Variants in OSBPL10 observed in about 807,000 individuals in gnomAD.
OSBPL10 encodes oxysterol-binding protein-related protein 10.
A neutral mutation model predicts 81.7 loss-of-function variants in OSBPL10; 49 were observed. The ratio of observed to expected loss-of-function variants is 0.60; its 90% confidence interval spans 0.48 to 0.76. OSBPL10 has a LOEUF of 0.76. Ranked by LOEUF, OSBPL10 falls within the 30% of genes least tolerant of loss-of-function variation. The pLI is 0.00. For missense variants in OSBPL10, 923 were observed against 987.8 expected (o/e 0.93, Z 0.88); for synonymous variants, 419 against 383.6 (o/e 1.09, Z -1.08).
At chr3:31,683,044 C>A (rs959987406) in intron 8 of OSBPL10, among the ~76,000 whole-genome samples, 12 of 152,154 alleles carry the variant, frequency 7.9e-5, no homozygotes, top group African/African-American at 2.9e-4. Flanking sequence ...AACACAGATG[C>A]TTGAATTTAA....
chr3:31,965,336 C>G (rs574933007), intron 1 of OSBPL10, among the ~76,000 whole-genome samples: 1 of 137,778 alleles, frequency 7.3e-6, no homozygotes, highest in Non-Finnish European at 1.5e-5. Context: ...CACTACTGCA[C>G]TCCAGCCTGG....
chr3:31,989,912 G>A, intron 2 of OSBPL10: 2 of 1,614,174 alleles, frequency 1.2e-6, no homozygotes, highest in South Asian at 2.2e-5. Flanking sequence ...TGCCATCATA[G>A]ATGTCACACT....
At chr3:31,683,019 A>C (rs1700692549) in intron 8 of OSBPL10, among the ~76,000 whole-genome samples, 2 of 152,236 alleles carry the variant, frequency 1.3e-5, no homozygotes, top group Admixed American at 1.3e-4. Context: ...CTCAAAAAAA[A>C]GTTGAAGAAC....
At chr3:31,798,438 A>T (rs1699295434) in intron 4 of OSBPL10, among the ~76,000 whole-genome samples, 1 of 151,858 alleles carries the variant, frequency 6.6e-6, no homozygotes, top group African/African-American at 2.4e-5. Flanking sequence ...CTCAAAAAAA[A>T]AAGAAAACCA....
chr3:31,989,585 T>C (rs1484978572), intron 2 of OSBPL10: 2 of 1,614,184 alleles, frequency 1.2e-6, no homozygotes, highest in Admixed American at 3.3e-5. Context: ...CTCCACATAT[T>C]TCAGACCAAA....
intron 4 of OSBPL10, among the ~76,000 whole-genome samples, chr3:31,804,029 T>C (rs933297420): frequency 6.6e-6 from 1 of 152,228 alleles, no homozygotes; most frequent in Non-Finnish European, 1.5e-5. Context: ...TATTCACATA[T>C]CCTGTTTTTC....
intron 1 of OSBPL10, among the ~76,000 whole-genome samples, chr3:31,948,924 C>G (rs892450925): frequency 2.6e-5 from 4 of 151,998 alleles, no homozygotes; most frequent in African/African-American, 9.7e-5. Flanking sequence ...TCCAGAGTAG[C>G]GAAATTAACT....
chr3:31,812,778 GAAAGAAAGAAAGAAAGAA>G (rs1699729594), intron 4 of OSBPL10, among the ~76,000 whole-genome samples: 1 of 38,652 alleles, frequency 2.6e-5, no homozygotes, highest in Admixed American at 3.9e-4. Flanking sequence ...AAGAAAGAAA[GAAAGAAAGAAAGAAAGAA>G]AGAAAGAAAG....
intron 1 of OSBPL10, among the ~76,000 whole-genome samples, chr3:32,065,993 AAGAAAGAAAGAAAG>A (rs1396379102): frequency 7.7e-5 from 5 of 65,006 alleles, no homozygotes; most frequent in Admixed American, 4.3e-4. Context: ...GAAAGAAAGA[AAGAAAGAAAGAAAG>A]AGAAAGAAAG....
intron 1 of OSBPL10, among the ~76,000 whole-genome samples, chr3:31,935,312 T>G (rs1314048848): frequency 2.0e-5 from 3 of 152,230 alleles, no homozygotes; most frequent in South Asian, 4.1e-4. Context: ...AAATACATAT[T>G]TGATGTTAAG....
intron 3 of OSBPL10, among the ~76,000 whole-genome samples, chr3:31,847,090 C>T (rs147898394): frequency 1.4e-3 from 215 of 152,258 alleles, no homozygotes; most frequent in Middle Eastern, 6.8e-3. Flanking sequence ...CAAGGATCCC[C>T]CAACCCAATG....
chr3:31,688,430 C>A (rs1343493988), intron 7 of OSBPL10, among the ~76,000 whole-genome samples: 1 of 152,002 alleles, frequency 6.6e-6, no homozygotes, highest in Non-Finnish European at 1.5e-5. Context: ...GCTTTCAAGG[C>A]TAAAGCAACA....
At chr3:31,994,609 G>A (rs1041856856) in intron 2 of OSBPL10, among the ~76,000 whole-genome samples, 8 of 152,162 alleles carry the variant, frequency 5.3e-5, no homozygotes, top group Non-Finnish European at 1.2e-4. Flanking sequence ...TAGGTGTGCA[G>A]ATGTCTTTTC....
chr3:31,742,162 T>A (rs1697372069), intron 5 of OSBPL10, among the ~76,000 whole-genome samples: 1 of 152,168 alleles, frequency 6.6e-6, no homozygotes, highest in African/African-American at 2.4e-5. Flanking sequence ...AAAGAAAGTA[T>A]AACAGACAAA....
intron 3 of OSBPL10, among the ~76,000 whole-genome samples, chr3:31,837,100 G>C (rs1019673443): frequency 2.0e-5 from 3 of 152,030 alleles, no homozygotes; most frequent in Admixed American, 2.0e-4. Flanking sequence ...CTTCAGCTGG[G>C]CCTTCACAAT....
At chr3:31,908,830 A>C (rs1403740628) in intron 1 of OSBPL10, among the ~76,000 whole-genome samples, 1 of 152,162 alleles carries the variant, frequency 6.6e-6, no homozygotes, top group Admixed American at 6.5e-5. Flanking sequence ...AATGAGATGG[A>C]AAGAGGAGAT....
At chr3:32,026,049 TAGATAGATGATA>T (rs1363038773) in intron 2 of OSBPL10, among the ~76,000 whole-genome samples, 27 of 118,762 alleles carry the variant, frequency 2.3e-4, no homozygotes, top group Admixed American at 4.4e-4. Flanking sequence ...GATAGATAGA[TAGATAGATGATA>T]GATAGATAGA....
chr3:31,961,586 T>C lies in OSBPL10; in HGVS notation c.281+19313A>G, dbSNP rs535461261. 5.3e-5 allele frequency among the ~76,000 whole-genome samples: 8 copies of C among 152,156 alleles called. No individual in the cohort carries two copies. In the South Asian group the frequency reaches 1.2e-3, roughly 24 times the overall value. On this transcript the variant is annotated intron_variant, in intron 1 of 11. Transcript: ENST00000396556. ...GGGGCTGGGCTAATTATTGGTGTCT[T>C]TTGACATTTGTATTTTATTTATTTA...
At chr3:31,740,779 CAAAAAAAAGAAA>C (rs1347860667) in intron 5 of OSBPL10, among the ~76,000 whole-genome samples, 1 of 131,666 alleles carries the variant, frequency 7.6e-6, no homozygotes, top group Non-Finnish European at 1.5e-5. Flanking sequence ...CTCCGTATCT[CAAAAAAAAGAAA>C]AAAAGAAAGA....
Sources: allele counts gnomAD v4.1 joint callset (sites outside exome capture counted in the v4.1 genomes callset), GRCh38; gene constraint gnomAD v4.1.1; transcripts MANE v1.5; gene names NCBI Gene and HGNC (gene_info 2026-07-23, HGNC 2026-07-21).